CRACR2B: variants seen among roughly 807,000 people sequenced by gnomAD.
CRACR2B encodes the protein EF-hand calcium-binding domain-containing protein 4A.
Under a neutral mutation model 46.0 loss-of-function variants are expected in CRACR2B, and 50 were observed. The observed-to-expected ratio is 1.09, with a 90% CI of 0.87 to 1.38. The LOEUF is 1.38. CRACR2B is among the 40% of genes most tolerant of loss of function. The pLI is 0.00. For missense variants in CRACR2B, 667 were observed against 535.0 expected (o/e 1.25, Z -2.43); for synonymous variants, 277 against 239.6 (o/e 1.16, Z -1.44).
chr11:830,275 G>A lies in CRACR2B; in HGVS notation c.631G>A (p.Val211Met). The A allele has an allele frequency of 6.6e-7, 1 of 1,525,034 alleles. No homozygotes were observed. Among genetic ancestry groups the A allele is most frequent in the Non-Finnish European group, 8.8e-7 (1 of 1,134,450 alleles). The allele number at this position is 1,525,034 out of a possible 1,614,324, so 94.5% of individuals were successfully genotyped here. Reference sequence around the variant, plus strand: ...GCGCGAGAGCGAGCACGAGAGGGAGGTGCGCGCTCTGTACGAGGAGACGGA... The same window carrying A: ...GCGCGAGAGCGAGCACGAGAGGGAGATGCGCGCTCTGTACGAGGAGACGGA... The part of the protein sequence containing the change: ...RRRESEHERE[V>M]RALYEETEQL... Residue 211 changes from valine (V) to methionine (M), a missense_variant, in exon 5 of 9, where the codon GTG becomes ATG. Transcript: ENST00000525077.
rs529962618 is a variant in CRACR2B at position 831,657 on chromosome 11, G to A, written c.1148G>A (p.Cys383Tyr). The change falls in exon 9 of 9, where the codon TGC becomes TAC. Residue 383 changes from cysteine to tyrosine, a missense_variant. Coordinates refer to ENST00000525077, the MANE Select transcript of CRACR2B (RefSeq NM_001286606.2). ...LPGPTCCCCCCWARPPRRGSG... is the reference protein window; with the variant it reads ...LPGPTCCCCCYWARPPRRGSG... ...GGGCCCACCTGCTGCTGCTGCTGTT[G>A]CTGGGCTCGGCCCCCCAGACGCGGC... 1.9e-5 allele frequency: 29 copies of A among 1,541,578 alleles called. No individual in the cohort carries two copies. The East Asian group carries it at 6.3e-4, about 33-fold the overall frequency.
At chr11:830,585 G>C (rs1040317528) in intron 5 of CRACR2B, 36 bp from the exon 6 acceptor site, 1 of 1,547,726 alleles carries the variant, frequency 6.5e-7, no homozygotes, top group African/African-American at 1.4e-5. Context: ...TGGCCGAGCG[G>C]CCGGCGGAGG....
Position 829,341 on chromosome 11 carries a change from G to C in CRACR2B, c.278-19G>C. The C allele has an allele frequency of 2.5e-6, 4 of 1,587,394 alleles. No individual in the cohort carries two copies. The highest frequency in any genetic ancestry group is 3.4e-6 in the Non-Finnish European group (4 of 1,170,434). ...GTGGCGACCCACAGCCCTGGTAATC[G>C]CTCGCTCCATGCCCGCAGGGATGTT... On this transcript the variant is annotated intron_variant, in intron 2 of 8. Coordinates refer to ENST00000525077, the MANE Select transcript of CRACR2B (RefSeq NM_001286606.2).
At position 830,020 on chromosome 11, in the gene CRACR2B, C is replaced by T. The variant is rs1306388600; in HGVS notation, c.493C>T (p.Gln165Ter). ...TGTGAGGACGCTCTGGGCCAGGCTG[C>T]AGCGCGAGCGCCCCGAGCTGCTGGG... Reference protein sequence around the residue: ...RAVRTLWARLQRERPELLGSF... With the variant: ...RAVRTLWARL Residue 165 changes from glutamine to a stop codon, truncating the protein, a stop_gained, in exon 4 of 9, where the codon CAG becomes TAG. Transcript: ENST00000525077. LOFTEE classifies it high-confidence loss of function. The T allele has an allele frequency of 6.4e-7, 1 of 1,570,686 alleles. No homozygotes were observed. The highest frequency in any genetic ancestry group is 8.6e-7 in the Non-Finnish European group (1 of 1,164,226).
At chr11:829,214 G>GT (rs763848610) in intron 2 of CRACR2B, 146 bp from the exon 3 acceptor site, 2 of 1,446,666 alleles carry the variant, frequency 1.4e-6, no homozygotes, top group South Asian at 1.4e-5. Context: ...GTCACCTCTT[G>GT]TTTCCAGGCC....
Position 828,839 on chromosome 11 carries a change from C to T in CRACR2B, c.166-13C>T. Reference sequence around the variant, plus strand: ...ACCGCAGCGGCTCATCTCTGCTCTCCTTCCCCGACCAGGGTCTCCAGAGCG... The same window carrying T: ...ACCGCAGCGGCTCATCTCTGCTCTCTTTCCCCGACCAGGGTCTCCAGAGCG... On this transcript the variant is annotated splice_polypyrimidine_tract_variant and intron_variant, in intron 1 of 8. Transcript: ENST00000525077. 1 of 1,611,166 alleles carries T rather than the reference C, an allele frequency of 6.2e-7. No individual in the cohort carries two copies.
rs1212468177 is a variant in CRACR2B, at chr11:831,534, G to C, written c.1026-1G>C. 5 of 1,586,904 alleles carry C rather than the reference G, an allele frequency of 3.2e-6. No homozygotes were observed. The highest frequency in any genetic ancestry group is 4.3e-6 in the Non-Finnish European group (5 of 1,169,110). The stretch of plus-strand genomic sequence containing the variant: ...TCAGTGTCGGACTCCTCCTTCCCTA[G>C]GGAGCTGAATACACGGCTGCGGGAT... On this transcript the variant is annotated splice_acceptor_variant, in intron 8 of 8. Transcript: ENST00000525077. LOFTEE classifies it high-confidence loss of function.
chr11:828,260 G>A lies in CRACR2B; in HGVS notation c.-348G>A. ...AGGACCCCACCTTCCTTATCACCAG[G>A]TCTTCTCCACTGGCCCCTGAGATTG... On this transcript the variant is annotated 5_prime_UTR_variant, in exon 1 of 9. Transcript: ENST00000525077. 3.6e-6 allele frequency: 1 copy of A among 280,298 alleles called. No homozygotes were observed. The highest frequency in any genetic ancestry group is 6.7e-6 in the Non-Finnish European group (1 of 148,782). 17.4% of individuals were successfully genotyped at this position (280,298 alleles called of 1,614,324 possible).
Position 831,313 on chromosome 11 carries a change from C to T in CRACR2B, c.1025+18C>T. ...CTGCTCAGGTACGGTCAGGCTCAGG[C>T]CCGAGAGGGAATGGGCTCAGCGGAG... is the stretch of plus-strand genomic sequence containing the variant. On this transcript the variant is annotated intron_variant, in intron 8 of 8. Coordinates refer to ENST00000525077, the MANE Select transcript of CRACR2B (RefSeq NM_001286606.2). 1 of 1,595,498 alleles carries T rather than the reference C, an allele frequency of 6.3e-7. No homozygotes were observed. The highest frequency in any genetic ancestry group is 8.5e-7 in the Non-Finnish European group (1 of 1,174,954).
Position 830,857 on chromosome 11 carries a change from A to G in CRACR2B, c.787-9A>G. Reference sequence around the variant, plus strand: ...GTTCCTCGCCGGTCTCCATCCTTCCACCCTCCAGTTAGAGCAGCAGCTGCA... The same window carrying G: ...GTTCCTCGCCGGTCTCCATCCTTCCGCCCTCCAGTTAGAGCAGCAGCTGCA... On this transcript the variant is annotated splice_polypyrimidine_tract_variant and intron_variant, in intron 6 of 8. Transcript: ENST00000525077. 6.6e-7 allele frequency: 1 copy of G among 1,515,558 alleles called. No homozygotes were observed. The highest frequency in any genetic ancestry group is 8.8e-7 in the Non-Finnish European group (1 of 1,134,978). The allele number at this position is 1,515,558 out of a possible 1,614,324, so 93.9% of individuals were successfully genotyped here.
chr11:828,260 G>T lies in CRACR2B; in HGVS notation c.-348G>T. On this transcript the variant is annotated 5_prime_UTR_variant, in exon 1 of 9. Transcript: ENST00000525077. ...AGGACCCCACCTTCCTTATCACCAG[G>T]TCTTCTCCACTGGCCCCTGAGATTG... is the stretch of plus-strand genomic sequence containing the variant. The T allele has an allele frequency of 3.6e-6, 1 of 280,298 alleles. No homozygotes were observed. The highest frequency in any genetic ancestry group is 6.7e-6 in the Non-Finnish European group (1 of 148,782). 17.4% of individuals were successfully genotyped at this position (280,298 alleles called of 1,614,324 possible).
Position 829,559 on chromosome 11 carries a change from C to A in CRACR2B, c.458+19C>A. The stretch of plus-strand genomic sequence containing the variant: ...TGGGCAAGTGAGTCGGCGCTGGCCC[C>A]GCTCCCACTGCCCGCTCTGCTGTTT... On this transcript the variant is annotated intron_variant, in intron 3 of 8. Coordinates refer to ENST00000525077, the MANE Select transcript of CRACR2B (RefSeq NM_001286606.2). 1 of 1,542,824 alleles carries A rather than the reference C, an allele frequency of 6.5e-7. No homozygotes were observed.
At chr11:829,922 T>C (rs1846251234) in intron 3 of CRACR2B, 64 bp from the exon 4 acceptor site, 1 of 1,520,646 alleles carries the variant, frequency 6.6e-7, no homozygotes, top group South Asian at 1.2e-5. Flanking sequence ...GGTTTGCTGC[T>C]GGCGGAGGGA....
In CRACR2B at chr11:830,148, G is replaced by A. The variant is rs762095228; in HGVS notation, c.605+16G>A. 9 of 1,523,224 alleles carry A rather than the reference G, an allele frequency of 5.9e-6. No individual in the cohort carries two copies. Among genetic ancestry groups the A allele is most frequent in the Non-Finnish European group, 7.0e-6 (8 of 1,140,108 alleles). 94.4% of individuals were successfully genotyped at this position (1,523,224 alleles called of 1,614,324 possible). On this transcript the variant is annotated intron_variant, in intron 4 of 8. Transcript: ENST00000525077. Reference sequence around the variant, plus strand: ...CGCTGCGGAGGTGAGGGCCGGGGTGGGGTATGGGGGCCAATGGAGGGCCTC... The same window carrying A: ...CGCTGCGGAGGTGAGGGCCGGGGTGAGGTATGGGGGCCAATGGAGGGCCTC...
At chr11:831,434 T>C (rs1846431971) in intron 8 of CRACR2B, 101 bp from the exon 9 acceptor site, 2 of 1,481,948 alleles carry the variant, frequency 1.3e-6, no homozygotes, top group African/African-American at 2.8e-5. Flanking sequence ...CGCTGCAGCC[T>C]CAGCCAGACA....
rs762775852 is a variant in CRACR2B, at chr11:829,448, G to C, written c.366G>C (p.Gln122His). 1.2e-6 allele frequency: 2 copies of C among 1,610,044 alleles called. No homozygotes were observed. Among genetic ancestry groups the C allele is most frequent in the Non-Finnish European group, 1.7e-6 (2 of 1,178,922 alleles). ...TTGAGTCGGGCGGGCTCGACGTGCA[G>C]GGCACGGCGGGCTCTCTGGATGAGG... ...ETFESGGLDV[Q>H]GTAGSLDEEE... Residue 122 changes from glutamine (Q) to histidine (H), a missense_variant, in exon 3 of 9, where the codon CAG (glutamine) becomes CAC (histidine). Gln to His is a conservative substitution (Grantham distance 24, BLOSUM62 0). Coordinates refer to ENST00000525077, the MANE Select transcript of CRACR2B (RefSeq NM_001286606.2).
At position 831,687 on chromosome 11, in the gene CRACR2B, GC is replaced by G. The variant is rs1565111963; in HGVS notation, c.1180del (p.His394ThrfsTer16). ...CWARPPRRGS[G>X]HLPSAR is the part of the protein sequence containing the mutation. Reference sequence around the variant, plus strand: ...GCTCGGCCCCCCAGACGCGGCTCTGGCCACCTTCCCAGTGCCCGGTGACCAG... The same window carrying G: ...GCTCGGCCCCCCAGACGCGGCTCTGGCACCTTCCCAGTGCCCGGTGACCAG... On this transcript the variant is annotated frameshift_variant, in exon 9 of 9. Transcript: ENST00000525077. LOFTEE classifies it high-confidence loss of function. 6.6e-7 allele frequency: 1 copy of G among 1,517,532 alleles called. No homozygotes were observed. The highest frequency in any genetic ancestry group is 8.8e-7 in the Non-Finnish European group (1 of 1,140,762). 94.0% of individuals were successfully genotyped at this position (1,517,532 alleles called of 1,614,324 possible). A position where few individuals can be genotyped will look rare whatever the true frequency, so the allele number is the denominator to read the frequency against.
At chr11:826,789 A>C (rs559655970), upstream of CRACR2B, among the ~76,000 whole-genome samples, 7 of 152,322 alleles carry the variant, frequency 4.6e-5, no homozygotes, top group South Asian at 1.5e-3. Flanking sequence ...AGCCCCCCAA[A>C]GTGCTGGGAT....
Position 828,740 on chromosome 11 carries a change from G to A in CRACR2B, c.133G>A (p.Ala45Thr). The change falls in exon 1 of 9, where the codon GCT (alanine) becomes ACT (threonine). Residue 45 changes from alanine (A) to threonine (T), a missense_variant. Coordinates refer to ENST00000525077, the MANE Select transcript of CRACR2B (RefSeq NM_001286606.2). ...EELFLLCDKE[A>T]KGFITKHDLQ... ...GCTGTTTCTGCTGTGTGACAAGGAGGCTAAGGGCTTCATCACCAAGCACGA... is the reference window on the plus strand; with the variant it reads ...GCTGTTTCTGCTGTGTGACAAGGAGACTAAGGGCTTCATCACCAAGCACGA... 6 of 1,613,660 alleles carry A rather than the reference G, an allele frequency of 3.7e-6. No homozygotes were observed. The highest frequency in any genetic ancestry group is 5.1e-6 in the Non-Finnish European group (6 of 1,179,932).
Sources: gnomAD v4.1 joint callset for allele counts (sites outside exome capture counted in the v4.1 genomes callset) on GRCh38, gnomAD v4.1.1 for gene constraint, MANE v1.5 for transcripts, NCBI Gene and HGNC (gene_info 2026-07-23, HGNC 2026-07-21) for gene names.